Variants in ANKS1B observed in about 807,000 individuals in gnomAD.
The protein encoded by ANKS1B is ankyrin repeat and sterile alpha motif domain-containing protein 1B.
In ANKS1B, 36 loss-of-function variants were observed where a neutral mutation model predicts 148.3. The ratio of observed to expected loss-of-function variants is 0.24; its 90% CI spans 0.19 to 0.32. The LOEUF (loss-of-function observed/expected upper bound fraction) is 0.32, where lower values mean the gene tolerates loss of function less well. ANKS1B is among the 10% of genes least tolerant of loss of function. ANKS1B has a pLI of 1.00. For synonymous variants in ANKS1B, 542 were observed against 560.8 expected, an observed-to-expected ratio of 0.97 and a Z score of 0.47; for missense variants, 1,157 against 1,542.6, an observed-to-expected ratio of 0.75 and a Z score of 4.19.
chr12:98,986,856 T>C (rs1598058489), intron 17 of ANKS1B, among the ~76,000 whole-genome samples: 4 of 152,202 alleles, frequency 2.6e-5, no homozygotes, highest in South Asian at 4.2e-4. Flanking sequence ...TGGGCTCAAG[T>C]GATCCTCCTG....
chr12:99,549,858 G>A (rs2097202492), intron 9 of ANKS1B, among the ~76,000 whole-genome samples: 1 of 152,150 alleles, frequency 6.6e-6, no homozygotes, highest in Non-Finnish European at 1.5e-5. Context: ...ACATCCTGCT[G>A]GATAAGTCCC....
chr12:98,965,657 G>C (rs1027427798), intron 17 of ANKS1B, among the ~76,000 whole-genome samples: 4 of 152,094 alleles, frequency 2.6e-5, no homozygotes, highest in African/African-American at 9.7e-5. Context: ...ATACTACAAG[G>C]CTACAGTAAC....
chr12:99,596,085 T>C (rs2097756408), intron 9 of ANKS1B, among the ~76,000 whole-genome samples: 1 of 151,944 alleles, frequency 6.6e-6, no homozygotes, highest in Admixed American at 6.6e-5. Context: ...AATAACAATG[T>C]ATATTTTTAT....
intron 9 of ANKS1B, among the ~76,000 whole-genome samples, chr12:99,541,467 A>G (rs1009988759): frequency 6.6e-6 from 1 of 152,198 alleles, no homozygotes; most frequent in Non-Finnish European, 1.5e-5. Flanking sequence ...CTGGTTCAAT[A>G]TATGAAAAAT....
chr12:99,648,760 G>A (rs2098398340), intron 9 of ANKS1B: 1 of 1,612,760 alleles, frequency 6.2e-7, no homozygotes, highest in African/African-American at 1.3e-5. Flanking sequence ...GGACTCATCT[G>A]TGTTGGAGGA....
chr12:99,148,920 T>C (rs773168156), intron 15 of ANKS1B, among the ~76,000 whole-genome samples: 14 of 152,138 alleles, frequency 9.2e-5, no homozygotes, highest in Non-Finnish European at 1.8e-4. Flanking sequence ...ACTTTCAACA[T>C]AAGGCCACCC....
chr12:99,743,462 G>C (rs1337278133), intron 8 of ANKS1B, among the ~76,000 whole-genome samples: 1 of 152,100 alleles, frequency 6.6e-6, no homozygotes, highest in Admixed American at 6.6e-5. Context: ...ATTTTGGAAT[G>C]GCAAGTCATC....
intron 1 of ANKS1B, among the ~76,000 whole-genome samples, chr12:99,979,819 T>C (rs1314565232): frequency 6.6e-6 from 1 of 152,106 alleles, no homozygotes; most frequent in Non-Finnish European, 1.5e-5. Flanking sequence ...TGATTGTCAT[T>C]GCGTGGCTTC....
At chr12:99,325,839 T>C (rs1806076673) in intron 12 of ANKS1B, among the ~76,000 whole-genome samples, 1 of 152,080 alleles carries the variant, frequency 6.6e-6, no homozygotes, top group Non-Finnish European at 1.5e-5. Flanking sequence ...GACCAGTGTA[T>C]TAGTCTGTTT....
chr12:99,347,152 C>T (rs959912489), intron 12 of ANKS1B, among the ~76,000 whole-genome samples: 3 of 151,886 alleles, frequency 2.0e-5, no homozygotes, highest in Non-Finnish European at 1.5e-5. Flanking sequence ...CAGAACTCTC[C>T]CAGGGCACAA....
intron 12 of ANKS1B, among the ~76,000 whole-genome samples, chr12:99,292,153 A>T (rs568727107): frequency 1.7e-4 from 26 of 152,064 alleles, no homozygotes; most frequent in Non-Finnish European, 3.2e-4. Context: ...AAAGTAGACA[A>T]ATGGGATCTA....
intron 12 of ANKS1B, among the ~76,000 whole-genome samples, chr12:99,368,737 GAA>G (rs1423189298): frequency 6.6e-6 from 1 of 152,090 alleles, no homozygotes; most frequent in Non-Finnish European, 1.5e-5. Context: ...AGAATAAGAT[GAA>G]GAGAGTGATA....
chr12:99,064,806 T>A (rs572035621), intron 16 of ANKS1B, among the ~76,000 whole-genome samples: 1 of 152,194 alleles, frequency 6.6e-6, no homozygotes. Context: ...GGTTGAATTA[T>A]TTTATTGAAT....
chr12:99,144,644 G>A (rs1165989653), intron 15 of ANKS1B, among the ~76,000 whole-genome samples: 1 of 152,006 alleles, frequency 6.6e-6, no homozygotes, highest in Non-Finnish European at 1.5e-5. Context: ...CTAACCCCTA[G>A]TAGATATGTG....
At chr12:99,287,753 A>G (rs1194269003) in intron 12 of ANKS1B, among the ~76,000 whole-genome samples, 1 of 152,210 alleles carries the variant, frequency 6.6e-6, no homozygotes, top group African/African-American at 2.4e-5. Context: ...GAGCTGAAAA[A>G]TTCAATTGAT....
chr12:99,876,848 G>T (rs10778030), intron 1 of ANKS1B, among the ~76,000 whole-genome samples: 93,676 of 151,922 alleles, frequency 0.62, 30,421 homozygotes, highest in African/African-American at 0.77. Context: ...TTCTTAATTA[G>T]TTTTATCAAA....
intron 9 of ANKS1B, among the ~76,000 whole-genome samples, chr12:99,603,696 C>A (rs1239762272): frequency 6.6e-6 from 1 of 152,020 alleles, no homozygotes; most frequent in East Asian, 1.9e-4. Context: ...TGTTTTAATT[C>A]TGTTTACAAA....
intron 9 of ANKS1B, among the ~76,000 whole-genome samples, chr12:98,738,176 C>G (rs1435813545): frequency 1.3e-5 from 2 of 152,200 alleles, no homozygotes; most frequent in African/African-American, 2.4e-5. Context: ...TGACTTGCTC[C>G]TGAGTCAAAT....
intron 8 of ANKS1B, among the ~76,000 whole-genome samples, chr12:99,668,823 A>G (rs890294819): frequency 6.6e-6 from 1 of 151,332 alleles, no homozygotes; most frequent in African/African-American, 2.4e-5. Flanking sequence ...TCTGTTATTT[A>G]TTTTAGTCAT....
Sources: gnomAD v4.1 joint callset for allele counts (sites outside exome capture counted in the v4.1 genomes callset) on GRCh38, gnomAD v4.1.1 for gene constraint, MANE v1.5 for transcripts, NCBI Gene and HGNC (gene_info 2026-07-23, HGNC 2026-07-21) for gene names.